PAH: variants seen among roughly 807,000 people sequenced by gnomAD.
PAH encodes the protein phenylalanine hydroxylase, also known as phenylalanine-4-hydroxylase.
In PAH, 64 loss-of-function variants were observed where a neutral mutation model predicts 62.0. The ratio of observed to expected loss-of-function variants is 1.03; its 90% CI spans 0.84 to 1.27. PAH has a LOEUF of 1.27. PAH is among the 50% of genes most tolerant of loss of function. The pLI, the probability that PAH is intolerant of heterozygous loss-of-function variation, is 0.00. For missense variants in PAH, 579 were observed against 542.8 expected (o/e 1.07, Z -0.66); for synonymous variants, 195 against 196.2 (o/e 0.99, Z 0.05).
At chr12:102,900,494 G>A (rs189070436) in intron 2 of PAH, among the ~76,000 whole-genome samples, 1 of 152,204 alleles carries the variant, frequency 6.6e-6, no homozygotes, top group Admixed American at 6.5e-5. Context: ...CAAATGGGGG[G>A]TGGGGTGTGG....
intron 1 of PAH, among the ~76,000 whole-genome samples, chr12:102,928,845 A>G (rs1199671468): frequency 6.6e-6 from 1 of 152,122 alleles, no homozygotes. Flanking sequence ...ATCTAAAAAT[A>G]TTTGTTCAGC....
At chr12:102,944,546 A>C (rs1879419045) in intron 1 of PAH, among the ~76,000 whole-genome samples, 1 of 152,216 alleles carries the variant, frequency 6.6e-6, no homozygotes, top group Non-Finnish European at 1.5e-5. Context: ...ACTGTAATAC[A>C]TTCTTCAGTA....
chr12:102,886,983 A>G (rs948719281), intron 3 of PAH, among the ~76,000 whole-genome samples: 2 of 152,168 alleles, frequency 1.3e-5, no homozygotes, highest in Non-Finnish European at 2.9e-5. Flanking sequence ...GAGTAGTAAG[A>G]GAAGGAAGAA....
chr12:102,921,570 ATAGAG>A (rs1363141512), upstream of PAH, among the ~76,000 whole-genome samples: 2 of 152,220 alleles, frequency 1.3e-5, no homozygotes, highest in Non-Finnish European at 2.9e-5. Flanking sequence ...GGTTTGTACT[ATAGAG>A]TATTGTTTAA....
At chr12:102,871,939 AAAAAAAAAAAATATAT>A (rs1347644127) in intron 4 of PAH, among the ~76,000 whole-genome samples, 3 of 15,916 alleles carry the variant, frequency 1.9e-4, no homozygotes, top group South Asian at 2.4e-3. Flanking sequence ...AAAAAAAAAA[AAAAAAAAAAAATATAT>A]ATATATATAT....
intron 1 of PAH, among the ~76,000 whole-genome samples, chr12:102,935,650 TTTC>T (rs1234813359): frequency 5.3e-5 from 8 of 152,092 alleles, no homozygotes; most frequent in African/African-American, 1.9e-4. Context: ...AATGTATCCA[TTTC>T]TTCTAGGTTT....
At chr12:102,897,257 T>C (rs1225259869) in intron 2 of PAH, among the ~76,000 whole-genome samples, 2 of 152,020 alleles carry the variant, frequency 1.3e-5, no homozygotes, top group Non-Finnish European at 2.9e-5. Context: ...TATTCTTGAC[T>C]TGACAGATGA....
intron 3 of PAH, among the ~76,000 whole-genome samples, chr12:102,881,555 A>AC (rs886640190): frequency 6.6e-6 from 1 of 151,728 alleles, no homozygotes; most frequent in African/African-American, 2.4e-5. Flanking sequence ...AGTACATTTG[A>AC]CCCCCCAGTA....
At chr12:102,853,857 G>T (rs751741590) in intron 6 of PAH, among the ~76,000 whole-genome samples, 15 of 152,178 alleles carry the variant, frequency 9.9e-5, no homozygotes, top group Non-Finnish European at 1.8e-4. Flanking sequence ...ATAGCCCTAT[G>T]AAGTAGACAC....
chr12:102,925,449 TC>T (rs1259665383), intron 1 of PAH, among the ~76,000 whole-genome samples: 2 of 152,180 alleles, frequency 1.3e-5, no homozygotes, highest in Non-Finnish European at 2.9e-5. Flanking sequence ...ACTTCTACTT[TC>T]TTTAAACTCA....
At chr12:102,900,493 G>A (rs1877710902) in intron 2 of PAH, among the ~76,000 whole-genome samples, 2 of 152,062 alleles carry the variant, frequency 1.3e-5, no homozygotes, top group African/African-American at 4.8e-5. Flanking sequence ...ACAAATGGGG[G>A]GTGGGGTGTG....
chr12:102,938,078 C>T lies in PAH; in HGVS notation c.-96+12511G>A, dbSNP rs768205158. Among the ~76,000 whole-genome samples the T allele has an allele frequency of 6.6e-5, 10 of 152,110 alleles. No homozygotes were observed. The South Asian group carries it at 1.2e-3, about 19-fold the overall frequency. On this transcript the variant is annotated intron_variant, in intron 1 of 3. Coordinates refer to the PAH transcript ENST00000546844. ...ATAAATTTTCCTTAGTACTGCTCTTCGACAAGATTGTCCAGGAAGCCATGT... is the reference window on the plus strand; with the variant it reads ...ATAAATTTTCCTTAGTACTGCTCTTTGACAAGATTGTCCAGGAAGCCATGT...
chr12:102,895,869 A>AAAATATATATATATATATATAT (rs953209518), intron 2 of PAH, among the ~76,000 whole-genome samples: 4 of 118,706 alleles, frequency 3.4e-5, no homozygotes, highest in African/African-American at 1.4e-4. Flanking sequence ...AAAAAAAAAA[A>AAAATATATATATATATATATAT]ATATATATAT....
chr12:102,877,475 T>A lies in PAH; in HGVS notation c.428A>T (p.Asp143Val), dbSNP rs199475572. The A allele has an allele frequency of 7.4e-6, 12 of 1,613,570 alleles. No homozygotes were observed. Among genetic ancestry groups the A allele is most frequent in the Non-Finnish European group, 1.0e-5 (12 of 1,179,674 alleles). Residue 143 changes from aspartate (D) to valine (V), a missense_variant, in exon 4 of 13, where the codon GAT becomes GTT. Coordinates refer to ENST00000553106, the MANE Select transcript of PAH (RefSeq NM_000277.3). ...CCATGGACTCACAGGGTGGTCAGCATCCAGTTCCGCTCCATAGCTGAGAAT... is the reference window on the plus strand; with the variant it reads ...CCATGGACTCACAGGGTGGTCAGCAACCAGTTCCGCTCCATAGCTGAGAAT... ...NQILSYGAEL[D>V]ADHPGFKDPV...
chr12:102,841,107 A>G (rs760678716), intron 11 of PAH, among the ~76,000 whole-genome samples: 1 of 152,214 alleles, frequency 6.6e-6, no homozygotes, highest in Non-Finnish European at 1.5e-5. Flanking sequence ...TGGATGAGGA[A>G]ACAGGCTTGG....
chr12:102,942,614 C>A (rs941536134), intron 1 of PAH, among the ~76,000 whole-genome samples: 4 of 152,000 alleles, frequency 2.6e-5, no homozygotes, highest in Non-Finnish European at 4.4e-5. Context: ...TCAAAACAAT[C>A]CTAAGCAAAA....
At chr12:102,866,684 G>T (rs1565853574) in intron 4 of PAH, 21 bp from the exon 5 acceptor site, 2 of 1,600,218 alleles carry the variant, frequency 1.2e-6, no homozygotes, top group Admixed American at 3.3e-5. Context: ...AGAGACACCT[G>T]ATTTTTCAAG....
At position 102,855,154 on chromosome 12, in the gene PAH, C is replaced by T. The variant is rs62516152; in HGVS notation, c.688G>A (p.Val230Ile). 509 of 1,613,986 alleles carry T rather than the reference C, an allele frequency of 3.2e-4. 1 individual carries two copies. The highest frequency in any genetic ancestry group is 2.1e-3 in the Middle Eastern group (13 of 6,062). The change falls in exon 6 of 13, where the codon GTT becomes ATT. Residue 230 changes from valine to isoleucine, a missense_variant. By Grantham distance (29) the Val-to-Ile change is conservative. Transcript: ENST00000553106. ...GACTTACTCTGCAGGAACTGAGAAA[C>T]GTCTTCCAGCTGGGGAATGTTATCT... is the stretch of plus-strand genomic sequence containing the variant. ...HEDNIPQLED[V>I]SQFLQTCTGF...
chr12:102,871,942 AAAAAAAAATATATATATATATATAT>A (rs1294421418), intron 4 of PAH, among the ~76,000 whole-genome samples: 2 of 5,994 alleles, frequency 3.3e-4, no homozygotes, highest in African/African-American at 6.6e-4. Context: ...AAAAAAAAAA[AAAAAAAAATATATATATATATATAT>A]ATATATATAT....
Sources: allele counts gnomAD v4.1 joint callset (sites outside exome capture counted in the v4.1 genomes callset), GRCh38; gene constraint gnomAD v4.1.1; transcripts MANE v1.5; gene names NCBI Gene and HGNC (gene_info 2026-07-23, HGNC 2026-07-21).